The following NUCB2 variants were observed in gnomAD, a reference collection of about 807,000 sequenced individuals.
The protein encoded by NUCB2 is nucleobindin-2.
NUCB2 carries 48 observed loss-of-function variants against 57.9 expected under a neutral mutation model. That is an observed-to-expected ratio of 0.83 (90% CI 0.66 to 1.05). The LOEUF (loss-of-function observed/expected upper bound fraction) is 1.05, where lower values mean the gene tolerates loss of function less well. Ranked by LOEUF, NUCB2 falls within the 50% of genes least tolerant of loss-of-function variation. NUCB2 has a pLI of 0.00. For missense variants in NUCB2, 442 were observed against 476.2 expected, an observed-to-expected ratio of 0.93 and a Z score of 0.67; for synonymous variants, 139 against 152.1, an observed-to-expected ratio of 0.91 and a Z score of 0.64.
chr11:17,310,963 G>T lies in NUCB2; in HGVS notation c.622G>T (p.Glu208Ter). The T allele has an allele frequency of 6.3e-7, 1 of 1,584,022 alleles. No individual in the cohort carries two copies. Among genetic ancestry groups the T allele is most frequent in the South Asian group, 1.2e-5 (1 of 84,260 alleles). ...GAGAAAAGAAGAAGAGTCTAAATTT[G>T]AAGAAATGAAGAAAAAGCATGAAAA... The part of the protein sequence containing the change: ...EKRKEEESKF[E>*]EMKKKHENHP... Residue 208 changes from glutamate (E) to a stop codon, truncating the protein, a stop_gained, in exon 7 of 14, where the codon GAA (glutamate) becomes TAA (stop). Coordinates refer to ENST00000529010, the MANE Select transcript of NUCB2 (RefSeq NM_005013.4). LOFTEE classifies it high-confidence loss of function.
At chr11:17,347,560 A>C (rs1025263752) in intron 2 of NUCB2, among the ~76,000 whole-genome samples, 1 of 152,314 alleles carries the variant, frequency 6.6e-6, no homozygotes, top group South Asian at 2.1e-4. Flanking sequence ...AATCATAACC[A>C]TCATATAATT....
intron 4 of NUCB2, among the ~76,000 whole-genome samples, chr11:17,299,630 G>T (rs953943553): frequency 6.6e-6 from 1 of 152,040 alleles, no homozygotes; most frequent in African/African-American, 2.4e-5. Context: ...CAAGCCAGGT[G>T]CGGTGGCTCA....
At chr11:17,344,109 C>T (rs1484187384) in intron 2 of NUCB2, among the ~76,000 whole-genome samples, 1 of 152,158 alleles carries the variant, frequency 6.6e-6, no homozygotes, top group East Asian at 1.9e-4. Context: ...GTCCCTGACT[C>T]CTTACTCCTC....
rs750364530 is a variant in NUCB2, at chr11:17,301,844, T to C, written c.353T>C (p.Ile118Thr). ...GAAGTAGGAAGGTTAAGAATGTTAA[T>C]TAAAGCTAAGTTGGATTCCCTTCAA... The part of the protein sequence containing the change: ...RQEVGRLRML[I>T]KAKLDSLQDI... The change falls in exon 5 of 14, where the codon ATT (isoleucine) becomes ACT (threonine). Residue 118 changes from isoleucine to threonine, a missense_variant. Transcript: ENST00000529010. The C allele has an allele frequency of 6.2e-7, 1 of 1,613,766 alleles. No homozygotes were observed. The highest frequency in any genetic ancestry group is 8.5e-7 in the Non-Finnish European group (1 of 1,179,704).
chr11:17,329,992 CCCTT>C (rs1271526727), intron 11 of NUCB2, 131 bp from the exon 12 acceptor site: 6 of 433,592 alleles, frequency 1.4e-5, no homozygotes, highest in South Asian at 5.3e-5. Flanking sequence ...TACTTATTTC[CCCTT>C]CCTTCTTACC....
intron 10 of NUCB2, among the ~76,000 whole-genome samples, chr11:17,313,777 C>A (rs1293117973): frequency 2.6e-5 from 4 of 152,168 alleles, no homozygotes; most frequent in Non-Finnish European, 4.4e-5. Context: ...CTCACTCTCT[C>A]TTCTTTGCTG....
At chr11:17,297,924 A>G (rs1228401443) in intron 4 of NUCB2, among the ~76,000 whole-genome samples, 1 of 152,066 alleles carries the variant, frequency 6.6e-6, no homozygotes, top group Non-Finnish European at 1.5e-5. Context: ...TCTACTAAAA[A>G]TACAAAAATT....
At chr11:17,294,917 A>G (rs971835023) in intron 2 of NUCB2, among the ~76,000 whole-genome samples, 2 of 151,980 alleles carry the variant, frequency 1.3e-5, no homozygotes, top group Admixed American at 1.3e-4. Flanking sequence ...GTGTGATGGC[A>G]CATGCCTGTA....
intron 11 of NUCB2, among the ~76,000 whole-genome samples, chr11:17,322,902 T>C (rs557393304): frequency 1.3e-5 from 2 of 152,280 alleles, no homozygotes; most frequent in African/African-American, 4.8e-5. Flanking sequence ...CATATAGAAA[T>C]GCTGCTGATT....
chr11:17,306,085 G>A (rs867474163), intron 5 of NUCB2, among the ~76,000 whole-genome samples: 19 of 152,172 alleles, frequency 1.2e-4, no homozygotes, highest in Admixed American at 8.5e-4. Context: ...CAGCACAGGT[G>A]AATTTCCTGT....
At chr11:17,284,280 A>G (rs908066399) in intron 2 of NUCB2, among the ~76,000 whole-genome samples, 10 of 152,132 alleles carry the variant, frequency 6.6e-5, no homozygotes, top group Admixed American at 2.6e-4. Context: ...AGCCCCCTAC[A>G]GTGATGGGAT....
At chr11:17,335,466 G>A (rs10458878), downstream of NUCB2, among the ~76,000 whole-genome samples, 152,014 of 152,330 alleles carry the variant, frequency 1, 75,853 homozygotes, top group Middle Eastern at 1. Flanking sequence ...TTAAGGAATT[G>A]TAATTTTTTG....
At position 17,331,510 on chromosome 11, in the gene NUCB2, A is replaced by G. The variant is rs1388303771; in HGVS notation, c.*91A>G. On this transcript the variant is annotated 3_prime_UTR_variant, in exon 14 of 14. Coordinates refer to ENST00000529010, the MANE Select transcript of NUCB2 (RefSeq NM_005013.4). Reference sequence around the variant, plus strand: ...CCCTTCCTTTTTCTCTGCTCAATAAATATTTTAAAAGCATATTTGAAATAA... The same window carrying G: ...CCCTTCCTTTTTCTCTGCTCAATAAGTATTTTAAAAGCATATTTGAAATAA... 2.6e-6 allele frequency: 2 copies of G among 769,832 alleles called. No individual in the cohort carries two copies. The highest frequency in any genetic ancestry group is 3.9e-6 in the Non-Finnish European group (2 of 515,110). 47.7% of individuals were successfully genotyped at this position (769,832 alleles called of 1,614,324 possible). A position where few individuals can be genotyped will look rare whatever the true frequency, so the allele number is the denominator to read the frequency against.
chr11:17,279,053 C>T (rs1383754264), intron 1 of NUCB2, among the ~76,000 whole-genome samples: 6 of 152,034 alleles, frequency 3.9e-5, no homozygotes, highest in Admixed American at 1.3e-4. Flanking sequence ...ATTAGCCAGA[C>T]GTAGTGGCGG....
intron 3 of NUCB2, 47 bp from the exon 4 acceptor site, chr11:17,296,057 C>A: frequency 8.5e-7 from 1 of 1,179,890 alleles, no homozygotes; most frequent in Non-Finnish European, 1.2e-6. Context: ...TAGATTCAAA[C>A]AAGGAAAAAC....
At chr11:17,285,172 A>G (rs888331656) in intron 2 of NUCB2, among the ~76,000 whole-genome samples, 2 of 152,208 alleles carry the variant, frequency 1.3e-5, no homozygotes, top group African/African-American at 4.8e-5. Context: ...TCATGCCTGT[A>G]ATCCCAGCAC....
At chr11:17,285,991 A>G (rs746671682) in intron 2 of NUCB2, among the ~76,000 whole-genome samples, 4 of 151,630 alleles carry the variant, frequency 2.6e-5, no homozygotes, top group Non-Finnish European at 5.9e-5. Context: ...CTGTATAACT[A>G]TGGGTATAAA....
chr11:17,305,539 G>A (rs1317069288), intron 5 of NUCB2, among the ~76,000 whole-genome samples: 1 of 152,026 alleles, frequency 6.6e-6, no homozygotes, highest in African/African-American at 2.4e-5. Flanking sequence ...TCCAGAAGTA[G>A]AGTTAAACAC....
intron 11 of NUCB2, among the ~76,000 whole-genome samples, chr11:17,319,553 A>C (rs1444959460): frequency 3.3e-5 from 5 of 152,224 alleles, no homozygotes; most frequent in Non-Finnish European, 7.3e-5. Context: ...GAATATGTAT[A>C]TAATATGGAT....
Sources: gnomAD v4.1 joint callset for allele counts (sites outside exome capture counted in the v4.1 genomes callset) on GRCh38, gnomAD v4.1.1 for gene constraint, MANE v1.5 for transcripts, NCBI Gene and HGNC (gene_info 2026-07-23, HGNC 2026-07-21) for gene names.